The following CNTLN variants were observed in gnomAD, a reference collection of about 807,000 sequenced individuals.
The protein encoded by CNTLN is centlein, also known as centlein, centrosomal protein.
A neutral mutation model predicts 180.0 loss-of-function variants in CNTLN; 212 were observed. The observed-to-expected ratio is 1.18, with a 90% CI of 1.05 to 1.32. CNTLN has a LOEUF of 1.32. Among genes scored for constraint, CNTLN ranks in the 40% most tolerant of loss-of-function variants. The pLI, the probability that CNTLN is intolerant of heterozygous loss-of-function variation, is 0.00. For synonymous variants in CNTLN, 722 were observed against 563.1 expected (o/e 1.28, Z -3.99); for missense variants, 2,095 against 1,610.9 (o/e 1.30, Z -5.14).
At position 17,235,645 on chromosome 9, in the gene CNTLN, T is replaced by G; in HGVS notation, c.535-13T>G. On this transcript the variant is annotated splice_polypyrimidine_tract_variant and intron_variant, in intron 3 of 25. Coordinates refer to ENST00000380647, the MANE Select transcript of CNTLN (RefSeq NM_017738.4). Reference sequence around the variant, plus strand: ...AATAAAAGCTCACCAGTAATTTAAATTTTTTTCCACAGAGAGAGTCAGTAC... The same window carrying G: ...AATAAAAGCTCACCAGTAATTTAAAGTTTTTTCCACAGAGAGAGTCAGTAC... The G allele has an allele frequency of 9.9e-6, 1 of 100,566 alleles. No individual in the cohort carries two copies. Among genetic ancestry groups the G allele is most frequent in the Non-Finnish European group, 1.2e-5 (1 of 86,558 alleles). The allele number at this position is 100,566 out of a possible 1,614,324, so 6.2% of individuals were successfully genotyped here.
intron 8 of CNTLN, among the ~76,000 whole-genome samples, chr9:17,310,690 A>G (rs559036778): frequency 1.3e-5 from 2 of 152,322 alleles, no homozygotes; most frequent in South Asian, 4.1e-4. Context: ...ACCACCAACA[A>G]TATAAAAGAG....
chr9:17,494,264 A>C (rs1833325655), intron 25 of CNTLN, among the ~76,000 whole-genome samples: 1 of 152,290 alleles, frequency 6.6e-6, no homozygotes, highest in Non-Finnish European at 1.5e-5. Flanking sequence ...ATTGCCTACT[A>C]TAGAGTAAAT....
chr9:17,213,627 C>T (rs144615171), intron 2 of CNTLN, among the ~76,000 whole-genome samples: 3,991 of 152,152 alleles, frequency 0.026, 176 homozygotes, highest in African/African-American at 0.089. Context: ...CTTTCTGACT[C>T]GTTGGTCTGT....
intron 18 of CNTLN, among the ~76,000 whole-genome samples, chr9:17,440,183 C>T (rs950559965): frequency 6.6e-6 from 1 of 152,014 alleles, no homozygotes; most frequent in Non-Finnish European, 1.5e-5. Context: ...TAAAATGGCA[C>T]AGGCATTTTG....
intron 13 of CNTLN, among the ~76,000 whole-genome samples, chr9:17,386,140 A>G (rs892030119): frequency 6.6e-6 from 1 of 152,144 alleles, no homozygotes; most frequent in Non-Finnish European, 1.5e-5. Flanking sequence ...CAATGATAAT[A>G]GATTTTTCAA....
intron 6 of CNTLN, among the ~76,000 whole-genome samples, chr9:17,292,286 C>G (rs1263543738): frequency 6.6e-6 from 1 of 151,946 alleles, no homozygotes; most frequent in East Asian, 1.9e-4. Flanking sequence ...TGTGTTAGGG[C>G]TGATCATCTC....
the CNTLN span, among the ~76,000 whole-genome samples, chr9:17,528,064 G>T: frequency 2.0e-4 from 30 of 152,040 alleles, no homozygotes; most frequent in Non-Finnish European, 2.1e-4. Flanking sequence ...CTCCCAAGCA[G>T]AAGAAAATAA....
At chr9:17,526,404 TG>T in the CNTLN span, among the ~76,000 whole-genome samples, 12 of 152,220 alleles carry the variant, frequency 7.9e-5, no homozygotes, top group Admixed American at 7.2e-4. Context: ...ACAAAAAAAC[TG>T]ACAAATTATA....
intron 2 of CNTLN, among the ~76,000 whole-genome samples, chr9:17,197,401 CTTT>C (rs1822203688): frequency 6.6e-6 from 1 of 151,916 alleles, no homozygotes; most frequent in Non-Finnish European, 1.5e-5. Context: ...TGTTGAGCAT[CTTT>C]TTATTTATTT....
intron 15 of CNTLN, among the ~76,000 whole-genome samples, chr9:17,402,988 C>CA (rs2133796263): frequency 6.6e-6 from 1 of 151,706 alleles, no homozygotes; most frequent in Admixed American, 6.6e-5. Flanking sequence ...ACTCCCACTC[C>CA]AAAAAAAGTA....
Position 17,324,764 on chromosome 9 carries a change from A to G in CNTLN, c.1342-5868A>G, listed in dbSNP as rs78968192. Among the ~76,000 whole-genome samples, 484 of 152,160 alleles carry G rather than the reference A, an allele frequency of 3.2e-3. 3 individuals are homozygous for G. The highest frequency in any genetic ancestry group is 3.1e-3 in the Non-Finnish European group (211 of 67,932). On this transcript the variant is annotated intron_variant, in intron 8 of 25. Coordinates refer to ENST00000380647, the MANE Select transcript of CNTLN (RefSeq NM_017738.4). ...TTTGGAATTAATTTTCTTCCATTTT[A>G]TTTTGCTGTTAACAACTTGACTGTA...
At chr9:17,214,774 ACTTCT>A (rs1823610201) in intron 2 of CNTLN, among the ~76,000 whole-genome samples, 1 of 151,854 alleles carries the variant, frequency 6.6e-6, no homozygotes, top group Non-Finnish European at 1.5e-5. Context: ...TTTTCTCTAA[ACTTCT>A]CTTCTCACTT....
chr9:17,421,601 G>T (rs1828730768), intron 18 of CNTLN, among the ~76,000 whole-genome samples: 1 of 151,976 alleles, frequency 6.6e-6, no homozygotes, highest in Non-Finnish European at 1.5e-5. Context: ...ACTTGCTACT[G>T]CCATTTTGTT....
intron 5 of CNTLN, among the ~76,000 whole-genome samples, chr9:17,271,260 T>G (rs1261112576): frequency 6.6e-6 from 1 of 152,058 alleles, no homozygotes; most frequent in East Asian, 1.9e-4. Flanking sequence ...TTTTTTACCT[T>G]GGGAGCATGA....
intron 2 of CNTLN, among the ~76,000 whole-genome samples, chr9:17,206,641 A>G (rs1233355027): frequency 6.6e-6 from 1 of 152,174 alleles, no homozygotes; most frequent in Non-Finnish European, 1.5e-5. Flanking sequence ...AATGAGTATC[A>G]AATTGAGTCT....
chr9:17,473,612 CA>C (rs1564136076), intron 23 of CNTLN, among the ~76,000 whole-genome samples: 1 of 146,758 alleles, frequency 6.8e-6, no homozygotes, highest in African/African-American at 2.6e-5. Flanking sequence ...AAAAACAAAA[CA>C]AAAAACAACC....
chr9:17,512,081 A>G, the CNTLN span, among the ~76,000 whole-genome samples: 1 of 152,222 alleles, frequency 6.6e-6, no homozygotes, highest in Non-Finnish European at 1.5e-5. Flanking sequence ...GGGACAGCAC[A>G]ATTATTCTTC....
chr9:17,318,871 TCCATCCATTAAACC>T (rs1463676847), intron 8 of CNTLN, among the ~76,000 whole-genome samples: 64 of 95,286 alleles, frequency 6.7e-4, no homozygotes, highest in Non-Finnish European at 1.3e-3. Context: ...CATCCATCCA[TCCATCCATTAAACC>T]TTCATTTATT....
intron 2 of CNTLN, among the ~76,000 whole-genome samples, chr9:17,190,356 G>A (rs898084162): frequency 6.6e-6 from 1 of 151,586 alleles, no homozygotes; most frequent in African/African-American, 2.4e-5. Flanking sequence ...TGTATGCTGA[G>A]GAATGGCTCA....
Sources: allele counts gnomAD v4.1 joint callset (sites outside exome capture counted in the v4.1 genomes callset), GRCh38; gene constraint gnomAD v4.1.1; transcripts MANE v1.5; gene names NCBI Gene and HGNC (gene_info 2026-07-23, HGNC 2026-07-21).